Variants in LRRC7 observed in about 807,000 individuals in gnomAD.
The protein encoded by LRRC7 is leucine rich repeat containing 7.
LRRC7 carries 23 observed loss-of-function variants against 175.7 expected under a neutral mutation model. That is an observed-to-expected ratio of 0.13 (90% CI 0.09 to 0.19). The LOEUF is 0.19. Ranked by LOEUF, LRRC7 falls within the 10% of genes least tolerant of loss-of-function variation. The probability of loss-of-function intolerance (pLI) is 1.00; values close to 1 mark genes in which losing one functional copy is unlikely to be tolerated. For synonymous variants in LRRC7, 685 were observed against 680.9 expected, an observed-to-expected ratio of 1.01 and a Z score of -0.09; for missense variants, 1,354 against 1,904.7, an observed-to-expected ratio of 0.71 and a Z score of 5.38.
intron 2 of LRRC7, among the ~76,000 whole-genome samples, chr1:69,740,428 TAAAATA>T (rs1406483211): frequency 6.6e-6 from 1 of 152,014 alleles, no homozygotes; most frequent in African/African-American, 2.4e-5. Context: ...TAAAGGCTGT[TAAAATA>T]AAAACTTCAG....
chr1:69,945,366 T>C (rs1649196193), intron 8 of LRRC7, among the ~76,000 whole-genome samples: 1 of 152,148 alleles, frequency 6.6e-6, no homozygotes, highest in Non-Finnish European at 1.5e-5. Context: ...TCTATGTGTC[T>C]GTTCTCTGTG....
At chr1:69,970,255 A>T (rs1329004312) in intron 8 of LRRC7, among the ~76,000 whole-genome samples, 1 of 152,248 alleles carries the variant, frequency 6.6e-6, no homozygotes, top group African/African-American at 2.4e-5. Flanking sequence ...ACCCAAACCC[A>T]GCAGAAGAAA....
chr1:69,625,299 T>C (rs1268252804), intron 1 of LRRC7, among the ~76,000 whole-genome samples: 1 of 150,828 alleles, frequency 6.6e-6, no homozygotes, highest in Non-Finnish European at 1.5e-5. Context: ...AACAATTTTT[T>C]ATATTGTGGA....
intron 1 of LRRC7, among the ~76,000 whole-genome samples, chr1:69,584,669 T>C (rs1178459502): frequency 6.6e-6 from 1 of 152,160 alleles, no homozygotes; most frequent in Non-Finnish European, 1.5e-5. Context: ...AATTGAATCA[T>C]CTTACCCCTT....
intron 1 of LRRC7, among the ~76,000 whole-genome samples, chr1:69,675,580 C>T (rs532450444): frequency 6.5e-4 from 99 of 152,180 alleles, no homozygotes; most frequent in African/African-American, 2.3e-3. Flanking sequence ...CTATCTTAAG[C>T]TTGTAAATAC....
chr1:69,590,623 A>C (rs558311216), intron 1 of LRRC7, among the ~76,000 whole-genome samples: 17 of 152,292 alleles, frequency 1.1e-4, no homozygotes, highest in African/African-American at 3.8e-4. Flanking sequence ...GCAGCATCAC[A>C]TAAAAATAGC....
chr1:70,006,611 A>G (rs752822313), intron 11 of LRRC7, among the ~76,000 whole-genome samples: 3 of 152,178 alleles, frequency 2.0e-5, no homozygotes, highest in Non-Finnish European at 2.9e-5. Context: ...CTCAGTGGAT[A>G]CCAGCTGGGT....
chr1:70,089,357 T>C (rs1663852306), intron 24 of LRRC7, among the ~76,000 whole-genome samples: 1 of 152,208 alleles, frequency 6.6e-6, no homozygotes, highest in Non-Finnish European at 1.5e-5. Context: ...CAGACACTCC[T>C]TTCTAATCAA....
At chr1:70,084,004 AC>A (rs1415963337) in intron 24 of LRRC7, among the ~76,000 whole-genome samples, 1 of 152,128 alleles carries the variant, frequency 6.6e-6, no homozygotes, top group Non-Finnish European at 1.5e-5. Context: ...ATTATATTAC[AC>A]CATTCTTCCT....
chr1:69,621,290 C>A, intron 1 of LRRC7, among the ~76,000 whole-genome samples: 1 of 152,124 alleles, frequency 6.6e-6, no homozygotes, highest in Non-Finnish European at 1.5e-5. Context: ...AGGTGATCCA[C>A]CCGCCTTGAC....
chr1:70,011,513 A>G (rs1441612210), intron 11 of LRRC7, among the ~76,000 whole-genome samples: 1 of 152,134 alleles, frequency 6.6e-6, no homozygotes, highest in African/African-American at 2.4e-5. Flanking sequence ...ACATCTGGCT[A>G]CAAAGAACAC....
chr1:69,737,010 G>A (rs1378375212), intron 2 of LRRC7, among the ~76,000 whole-genome samples: 1 of 152,076 alleles, frequency 6.6e-6, no homozygotes, highest in African/African-American at 2.4e-5. Flanking sequence ...AAGCCTGCCA[G>A]TGCCAAACTC....
At chr1:69,692,101 A>C (rs1375417939) in intron 2 of LRRC7, among the ~76,000 whole-genome samples, 2 of 152,168 alleles carry the variant, frequency 1.3e-5, no homozygotes, top group Admixed American at 6.5e-5. Flanking sequence ...CTATCCACCT[A>C]AACACAGCAG....
At chr1:69,675,417 C>G (rs1047961001) in intron 1 of LRRC7, among the ~76,000 whole-genome samples, 1 of 152,122 alleles carries the variant, frequency 6.6e-6, no homozygotes, top group African/African-American at 2.4e-5. Context: ...AAATAATAGC[C>G]TATTCAAGAG....
intron 6 of LRRC7, among the ~76,000 whole-genome samples, chr1:69,836,499 A>G (rs183387922): frequency 3.4e-4 from 52 of 152,078 alleles, no homozygotes; most frequent in African/African-American, 1.2e-3. Context: ...CTAATGTGAG[A>G]AAAAGATTTG....
intron 7 of LRRC7, chr1:69,919,307 C>T (rs968663414): frequency 5.4e-6 from 3 of 553,548 alleles, no homozygotes; most frequent in Non-Finnish European, 9.6e-6. Flanking sequence ...TAAATATGAC[C>T]GTGTTCCAAT....
intron 8 of LRRC7, among the ~76,000 whole-genome samples, chr1:69,953,427 C>T (rs1319689593): frequency 3.3e-5 from 5 of 152,008 alleles, no homozygotes; most frequent in Non-Finnish European, 5.9e-5. Flanking sequence ...GTACTGCACC[C>T]ATTATTTTTG....
intron 1 of LRRC7, among the ~76,000 whole-genome samples, chr1:69,641,502 C>T (rs1282625273): frequency 2.0e-5 from 3 of 151,544 alleles, no homozygotes; most frequent in Admixed American, 6.6e-5. Flanking sequence ...ATATATATTA[C>T]TAAATTTATC....
chr1:70,121,185 G>A (rs1383577588), intron 26 of LRRC7, among the ~76,000 whole-genome samples: 1 of 151,988 alleles, frequency 6.6e-6, no homozygotes, highest in East Asian at 1.9e-4. Context: ...CCCAAGGGAC[G>A]CATTCCTTAA....
Sources: gnomAD v4.1 joint callset for allele counts (sites outside exome capture counted in the v4.1 genomes callset) on GRCh38, gnomAD v4.1.1 for gene constraint, MANE v1.5 for transcripts, NCBI Gene and HGNC (gene_info 2026-07-23, HGNC 2026-07-21) for gene names.